The following MSRA variants were observed in gnomAD, a reference collection of about 807,000 sequenced individuals.
MSRA encodes mitochondrial peptide methionine sulfoxide reductase.
In MSRA, 54 loss-of-function variants were observed where a neutral mutation model predicts 31.3. The ratio of observed to expected loss-of-function variants is 1.73; its 90% CI spans 1.39 to 2.17. MSRA has a LOEUF of 2.17. MSRA is among the 30% of genes most tolerant of loss of function. MSRA has a pLI of 0.00. For missense variants in MSRA, 507 were observed against 300.9 expected, an observed-to-expected ratio of 1.69 and a Z score of -5.07; for synonymous variants, 169 against 116.5, an observed-to-expected ratio of 1.45 and a Z score of -2.90.
At chr8:10,146,537 T>A (rs921274329) in intron 1 of MSRA, among the ~76,000 whole-genome samples, 1 of 152,010 alleles carries the variant, frequency 6.6e-6, no homozygotes, top group African/African-American at 2.4e-5. Context: ...TCGAGGAAAC[T>A]AGGAGTGGCT....
chr8:10,218,556 G>A (rs956557692), intron 2 of MSRA, among the ~76,000 whole-genome samples: 1 of 152,086 alleles, frequency 6.6e-6, no homozygotes, highest in Non-Finnish European at 1.5e-5. Flanking sequence ...TTAAATTTGT[G>A]AGCTGAAATA....
chr8:10,175,980 C>T (rs1256679336), intron 1 of MSRA, among the ~76,000 whole-genome samples: 2 of 152,046 alleles, frequency 1.3e-5, no homozygotes, highest in African/African-American at 4.8e-5. Flanking sequence ...GCATTTAGTT[C>T]TCATGTATAG....
rs1294085914 is a variant in MSRA at position 10,089,138 on chromosome 8, C to A, written c.142+34480C>A. On this transcript the variant is annotated intron_variant, in intron 1 of 5. Coordinates refer to ENST00000317173, the MANE Select transcript of MSRA (RefSeq NM_012331.5). ...TAAGTAAATTTTAGCTGCTTTTGTC[C>A]CACACACACACACACACACACACAG... is the stretch of plus-strand genomic sequence containing the variant. Among the ~76,000 whole-genome samples, 5 of 150,110 alleles carry A rather than the reference C, an allele frequency of 3.3e-5. No homozygotes were observed. In the South Asian group the frequency reaches 1.0e-3, roughly 31 times the overall value.
chr8:10,136,371 T>C (rs1802278271), intron 1 of MSRA, among the ~76,000 whole-genome samples: 1 of 152,188 alleles, frequency 6.6e-6, no homozygotes, highest in African/African-American at 2.4e-5. Flanking sequence ...GTCTCGTTCA[T>C]GTTACACAGC....
chr8:10,160,069 T>A (rs1014694391), intron 1 of MSRA, among the ~76,000 whole-genome samples: 1 of 152,218 alleles, frequency 6.6e-6, no homozygotes, highest in Non-Finnish European at 1.5e-5. Context: ...CTTCTTTTCA[T>A]TTTTTACACT....
chr8:10,196,185 A>G (rs1251805658), intron 1 of MSRA, among the ~76,000 whole-genome samples: 4 of 152,352 alleles, frequency 2.6e-5, no homozygotes, highest in Non-Finnish European at 1.5e-5. Flanking sequence ...GGCCGCTGAC[A>G]TGTTCACAAG....
At chr8:10,091,600 T>C (rs1344159644) in intron 1 of MSRA, among the ~76,000 whole-genome samples, 3 of 151,720 alleles carry the variant, frequency 2.0e-5, no homozygotes, top group African/African-American at 7.3e-5. Flanking sequence ...TGCTGGATCA[T>C]ATGGTAGTTT....
At chr8:10,145,435 C>G (rs1433063724) in intron 1 of MSRA, among the ~76,000 whole-genome samples, 1 of 152,140 alleles carries the variant, frequency 6.6e-6, no homozygotes, top group Non-Finnish European at 1.5e-5. Context: ...TTGATTCAGG[C>G]TGTGTTTTAG....
intron 2 of MSRA, among the ~76,000 whole-genome samples, chr8:10,211,045 T>A (rs1321881917): frequency 6.6e-6 from 1 of 152,132 alleles, no homozygotes; most frequent in African/African-American, 2.4e-5. Flanking sequence ...CACAATGTCG[T>A]TATCTGTTGG....
At chr8:10,395,260 T>G (rs2129181464) in intron 5 of MSRA, among the ~76,000 whole-genome samples, 1 of 152,164 alleles carries the variant, frequency 6.6e-6, no homozygotes, top group Non-Finnish European at 1.5e-5. Flanking sequence ...TGTGCATACG[T>G]GCACACACAC....
At chr8:10,318,471 A>G (rs1801852264) in intron 4 of MSRA, among the ~76,000 whole-genome samples, 1 of 152,176 alleles carries the variant, frequency 6.6e-6, no homozygotes, top group South Asian at 2.1e-4. Context: ...TACAGTTGAC[A>G]CACACGAATT....
At chr8:10,392,304 C>G (rs1272995153) in intron 5 of MSRA, among the ~76,000 whole-genome samples, 1 of 152,192 alleles carries the variant, frequency 6.6e-6, no homozygotes, top group Non-Finnish European at 1.5e-5. Context: ...TGCTTACATG[C>G]TCTGAGTCAG....
intron 3 of MSRA, among the ~76,000 whole-genome samples, chr8:10,300,642 C>G (rs559126056): frequency 1.2e-3 from 190 of 152,288 alleles, no homozygotes; most frequent in African/African-American, 4.3e-3. Flanking sequence ...CCTCCTCGGC[C>G]TCTCAAAGTT....
At chr8:10,425,083 C>T (rs1296352349) in intron 5 of MSRA, among the ~76,000 whole-genome samples, 2 of 151,954 alleles carry the variant, frequency 1.3e-5, no homozygotes, top group African/African-American at 4.8e-5. Context: ...TCCGTGGTCC[C>T]TTTCCCCTTC....
chr8:10,299,044 C>T (rs1800696244), intron 3 of MSRA, among the ~76,000 whole-genome samples: 1 of 152,104 alleles, frequency 6.6e-6, no homozygotes, highest in African/African-American at 2.4e-5. Context: ...ATTGTATCCT[C>T]AACAGCACTA....
intron 5 of MSRA, among the ~76,000 whole-genome samples, chr8:10,419,825 A>G (rs1253391326): frequency 2.0e-5 from 3 of 152,174 alleles, no homozygotes; most frequent in South Asian, 2.1e-4. Context: ...TTCTGTCTTT[A>G]TAATGGCATC....
At chr8:10,202,765 GA>G (rs1436719292) in intron 1 of MSRA, among the ~76,000 whole-genome samples, 1 of 152,304 alleles carries the variant, frequency 6.6e-6, no homozygotes, top group African/African-American at 2.4e-5. Flanking sequence ...TTATGTACTG[GA>G]CACTGTTCTG....
chr8:10,088,659 C>G (rs951613323), intron 1 of MSRA, among the ~76,000 whole-genome samples: 21 of 152,028 alleles, frequency 1.4e-4, no homozygotes, highest in Non-Finnish European at 2.9e-4. Context: ...TCGTTTGAAC[C>G]TGGGAGGATG....
intron 1 of MSRA, among the ~76,000 whole-genome samples, chr8:10,084,218 C>T (rs1451958873): frequency 1.3e-5 from 2 of 152,210 alleles, no homozygotes; most frequent in African/African-American, 4.8e-5. Context: ...TTTCCTAGCG[C>T]TTCTCTTTCA....
Sources: allele counts gnomAD v4.1 joint callset (sites outside exome capture counted in the v4.1 genomes callset), GRCh38; gene constraint gnomAD v4.1.1; transcripts MANE v1.5; gene names NCBI Gene and HGNC (gene_info 2026-07-23, HGNC 2026-07-21).